The following HS6ST2 variants were observed in gnomAD, a reference collection of about 807,000 sequenced individuals.
HS6ST2 encodes the protein heparan-sulfate 6-O-sulfotransferase 2.
HS6ST2 carries 17 observed loss-of-function variants against 33.0 expected under a neutral mutation model. The observed-to-expected ratio is 0.52, with a 90% CI of 0.35 to 0.77. The LOEUF is 0.77. Among genes scored for constraint, HS6ST2 ranks in the 30% least tolerant of loss-of-function variants. The pLI is 0.01. For missense variants in HS6ST2, 519 were observed against 551.7 expected, an observed-to-expected ratio of 0.94 and a Z score of 0.59; for synonymous variants, 248 against 237.1, an observed-to-expected ratio of 1.05 and a Z score of -0.42.
chrX:132,649,851 C>T (rs2063676508), intron 4 of HS6ST2, among the ~76,000 whole-genome samples: 1 of 73,234 alleles, frequency 1.4e-5, no homozygotes, highest in Admixed American at 1.3e-4. Flanking sequence ...GAGCGAGACT[C>T]TATCTAAAAA....
upstream of HS6ST2, among the ~76,000 whole-genome samples, chrX:132,959,204 C>T (rs1458333613): frequency 3.6e-5 from 4 of 111,908 alleles, no homozygotes; most frequent in Admixed American, 9.4e-5. Flanking sequence ...CTGATACTAA[C>T]ACCACCTTCT....
intron 2 of HS6ST2, among the ~76,000 whole-genome samples, chrX:132,819,637 G>A (rs1383092854): frequency 8.9e-6 from 1 of 111,857 alleles, no homozygotes; most frequent in African/African-American, 3.2e-5. Flanking sequence ...TTCTCTTTTG[G>A]AAGAATTTGA....
intron 3 of HS6ST2, among the ~76,000 whole-genome samples, chrX:132,678,652 C>T (rs909815076): frequency 2.7e-5 from 3 of 112,423 alleles, no homozygotes; most frequent in Non-Finnish European, 5.6e-5. Context: ...CAAATATTAT[C>T]TATTCTGTGA....
At chrX:132,900,546 T>C (rs1408196740) in intron 2 of HS6ST2, among the ~76,000 whole-genome samples, 2 of 111,100 alleles carry the variant, frequency 1.8e-5, no homozygotes, top group African/African-American at 6.5e-5. Context: ...CAAGACCCTA[T>C]CTCTAATAAA....
chrX:132,712,388 G>A (rs1161425906), intron 2 of HS6ST2, among the ~76,000 whole-genome samples: 1 of 112,028 alleles, frequency 8.9e-6, no homozygotes, highest in Non-Finnish European at 1.9e-5. Context: ...GTTAATACAT[G>A]CTAAATTTTA....
chrX:132,833,607 CT>C (rs1371480645), intron 2 of HS6ST2, among the ~76,000 whole-genome samples: 4 of 110,921 alleles, frequency 3.6e-5, no homozygotes, highest in African/African-American at 1.3e-4. Flanking sequence ...ATTAGGAAAC[CT>C]GTAAAAATCT....
intron 3 of HS6ST2, among the ~76,000 whole-genome samples, chrX:132,674,527 C>T (rs1216899692): frequency 8.9e-6 from 1 of 111,931 alleles, no homozygotes; most frequent in Non-Finnish European, 1.9e-5. Context: ...CACAGGGCAT[C>T]AGGGACTGCA....
At chrX:132,677,486 C>A (rs1159611371) in intron 3 of HS6ST2, among the ~76,000 whole-genome samples, 1 of 112,381 alleles carries the variant, frequency 8.9e-6, no homozygotes, top group Non-Finnish European at 1.9e-5. Flanking sequence ...TCTGATCACA[C>A]TTGCCATATA....
chrX:132,872,840 AG>A (rs1430377345), intron 2 of HS6ST2, among the ~76,000 whole-genome samples: 4 of 111,750 alleles, frequency 3.6e-5, no homozygotes, highest in African/African-American at 1.3e-4. Context: ...CAATAAAAAA[AG>A]GTAACCATGA....
At chrX:132,658,595 A>T (rs763783806) in intron 4 of HS6ST2, among the ~76,000 whole-genome samples, 2 of 112,184 alleles carry the variant, frequency 1.8e-5, no homozygotes, top group East Asian at 2.8e-4. Context: ...GTTTTGAATC[A>T]TGGTTCTACC....
intron 2 of HS6ST2, among the ~76,000 whole-genome samples, chrX:132,830,499 G>A (rs2065578178): frequency 8.9e-6 from 1 of 111,769 alleles, no homozygotes; most frequent in African/African-American, 3.3e-5. Flanking sequence ...CAAGCAAATT[G>A]AGACTCACAT....
At chrX:132,726,426 C>A (rs1467186411) in intron 2 of HS6ST2, among the ~76,000 whole-genome samples, 1 of 112,612 alleles carries the variant, frequency 8.9e-6, no homozygotes, top group Non-Finnish European at 1.9e-5. Flanking sequence ...AGATCTCTCC[C>A]AAAACACAGT....
At chrX:132,706,999 C>A (rs773266088) in intron 3 of HS6ST2, among the ~76,000 whole-genome samples, 1 of 112,093 alleles carries the variant, frequency 8.9e-6, no homozygotes, top group Admixed American at 9.4e-5. Flanking sequence ...CTAATCAACA[C>A]CATAGTAAAA....
intron 2 of HS6ST2, among the ~76,000 whole-genome samples, chrX:132,802,754 C>T (rs775600767): frequency 7.0e-4 from 77 of 109,511 alleles, no homozygotes; most frequent in Non-Finnish European, 1.2e-3. Flanking sequence ...TTTTTCCAGG[C>T]TCAGCAAAGT....
chrX:132,934,731 T>C (rs943024094), intron 2 of HS6ST2, among the ~76,000 whole-genome samples: 1 of 111,237 alleles, frequency 9.0e-6, no homozygotes, highest in African/African-American at 3.3e-5. Context: ...ACATGAGATA[T>C]ATGGAAAATC....
chrX:132,788,367 G>A (rs1368033767), intron 2 of HS6ST2, among the ~76,000 whole-genome samples: 2 of 111,617 alleles, frequency 1.8e-5, no homozygotes, highest in Non-Finnish European at 3.8e-5. Flanking sequence ...ACCATAAACT[G>A]CACCCAAATA....
intron 2 of HS6ST2, among the ~76,000 whole-genome samples, chrX:132,782,773 A>AAG (rs1355619272): frequency 9.0e-6 from 1 of 110,605 alleles, no homozygotes; most frequent in Non-Finnish European, 1.9e-5. Flanking sequence ...AGTCCAATTC[A>AAG]AGAGAGAGAG....
intron 2 of HS6ST2, among the ~76,000 whole-genome samples, chrX:132,748,216 G>A (rs1318057840): frequency 2.7e-5 from 3 of 111,571 alleles, no homozygotes; most frequent in African/African-American, 6.5e-5. Flanking sequence ...TCCTATAGCC[G>A]TTACTGTCTA....
intron 2 of HS6ST2, among the ~76,000 whole-genome samples, chrX:132,823,718 A>C (rs1026382320): frequency 1.0e-3 from 99 of 95,096 alleles, no homozygotes; most frequent in Non-Finnish European, 1.8e-3. Flanking sequence ...AAAAAAAAAA[A>C]AACCCACCTG....
Sources: allele counts gnomAD v4.1 joint callset (sites outside exome capture counted in the v4.1 genomes callset), GRCh38; gene constraint gnomAD v4.1.1; transcripts MANE v1.5; gene names NCBI Gene and HGNC (gene_info 2026-07-23, HGNC 2026-07-21).